ADK: variants seen among roughly 807,000 people sequenced by gnomAD.
ADK encodes the protein N6,N6-dimethyladenosine kinase.
A neutral mutation model predicts 44.7 loss-of-function variants in ADK; 24 were observed. The ratio of observed to expected loss-of-function variants is 0.54; its 90% confidence interval spans 0.39 to 0.76. The LOEUF is 0.76. Ranked by LOEUF, ADK falls within the 30% of genes least tolerant of loss-of-function variation. The pLI is 0.00. For synonymous variants in ADK, 128 were observed against 142.6 expected (o/e 0.90, Z 0.73); for missense variants, 321 against 425.1 (o/e 0.76, Z 2.15).
chr10:74,538,430 A>G (rs1028407680), intron 7 of ADK, among the ~76,000 whole-genome samples: 2 of 152,208 alleles, frequency 1.3e-5, no homozygotes, highest in African/African-American at 2.4e-5. Context: ...CTTTCTTTAC[A>G]TATTGATTTA....
intron 7 of ADK, among the ~76,000 whole-genome samples, chr10:74,532,888 C>G (rs1378959932): frequency 1.4e-5 from 2 of 140,298 alleles, no homozygotes; most frequent in East Asian, 2.0e-4. Context: ...CCACTGCACT[C>G]CAGTCTGGGC....
intron 7 of ADK, among the ~76,000 whole-genome samples, chr10:74,570,697 A>G (rs1270349108): frequency 1.3e-5 from 2 of 152,172 alleles, no homozygotes; most frequent in Admixed American, 6.5e-5. Flanking sequence ...GGCTGAGACG[A>G]TGGGGTTTTC....
chr10:74,533,401 A>G (rs1287932684), intron 7 of ADK, among the ~76,000 whole-genome samples: 2 of 152,244 alleles, frequency 1.3e-5, no homozygotes, highest in South Asian at 2.1e-4. Flanking sequence ...ACAAAGCTAC[A>G]GTAATCCAGA....
At chr10:74,419,030 G>C (rs1844467416) in intron 6 of ADK, among the ~76,000 whole-genome samples, 1 of 152,122 alleles carries the variant, frequency 6.6e-6, no homozygotes, top group Non-Finnish European at 1.5e-5. Flanking sequence ...CCCTTTTATA[G>C]TTTAATGTTT....
chr10:74,611,673 T>A (rs891306479), intron 9 of ADK, among the ~76,000 whole-genome samples: 2 of 151,946 alleles, frequency 1.3e-5, no homozygotes, highest in Admixed American at 1.3e-4. Context: ...TCCCCCTTTA[T>A]GTCCATGTAT....
intron 7 of ADK, among the ~76,000 whole-genome samples, chr10:74,547,271 A>G (rs989779492): frequency 6.6e-6 from 1 of 151,918 alleles, no homozygotes; most frequent in Non-Finnish European, 1.5e-5. Flanking sequence ...ATCATGGATC[A>G]TGCATTGCCT....
chr10:74,549,105 TA>T (rs1364857059), intron 7 of ADK, among the ~76,000 whole-genome samples: 1 of 152,226 alleles, frequency 6.6e-6, no homozygotes, highest in Admixed American at 6.5e-5. Flanking sequence ...TAATAGTCAA[TA>T]AATTTCAATT....
At chr10:74,567,988 C>G (rs377456135) in intron 7 of ADK, among the ~76,000 whole-genome samples, 4 of 152,086 alleles carry the variant, frequency 2.6e-5, no homozygotes, top group Non-Finnish European at 5.9e-5. Context: ...CCTGAGCCAC[C>G]GCGCCAGGCC....
intron 6 of ADK, chr10:74,423,623 C>T: frequency 2.7e-6 from 1 of 366,322 alleles, no homozygotes; most frequent in Non-Finnish European, 5.4e-6. Flanking sequence ...TCTGCATAGT[C>T]CTGTGCTTCG....
chr10:74,398,359 G>T, intron 5 of ADK, 112 bp from the exon 6 acceptor site: 3 of 562,808 alleles, frequency 5.3e-6, no homozygotes, highest in Non-Finnish European at 3.1e-6. Context: ...TAGTTTTGAA[G>T]AATTAATTAA....
chr10:74,220,836 T>C lies in ADK; in HGVS notation c.141-3702T>C, dbSNP rs1184568718. 9.2e-5 allele frequency among the ~76,000 whole-genome samples: 14 copies of C among 152,190 alleles called. No individual in the cohort carries two copies. The East Asian group carries it at 1.7e-3, about 19-fold the overall frequency. On this transcript the variant is annotated intron_variant, in intron 2 of 10. Coordinates refer to ENST00000539909, the MANE Select transcript of ADK (RefSeq NM_006721.4). ...ATTTAACAACCCTTCATGCTAAAAA[T>C]TCTCAATAAATTAGGTATTGATGGG...
intron 1 of ADK, among the ~76,000 whole-genome samples, chr10:74,171,816 G>C (rs918613768): frequency 2.7e-4 from 31 of 114,452 alleles, no homozygotes; most frequent in African/African-American, 8.3e-4. Context: ...CTCTCTGTGT[G>C]TGTGTGTGTG....
At chr10:74,217,972 C>A (rs921345065) in intron 2 of ADK, among the ~76,000 whole-genome samples, 6 of 152,194 alleles carry the variant, frequency 3.9e-5, no homozygotes, top group Admixed American at 3.3e-4. Flanking sequence ...CACCTCTCCT[C>A]CTCCAAAGGA....
intron 6 of ADK, among the ~76,000 whole-genome samples, chr10:74,512,742 T>C (rs1848390874): frequency 6.6e-6 from 1 of 151,846 alleles, no homozygotes; most frequent in South Asian, 2.1e-4. Context: ...CTTTTGTATT[T>C]TTTTTGTCTT....
intron 3 of ADK, among the ~76,000 whole-genome samples, chr10:74,256,778 G>A (rs1449789908): frequency 2.6e-5 from 4 of 152,102 alleles, no homozygotes; most frequent in African/African-American, 9.7e-5. Context: ...CTGATATTTT[G>A]CAGTTCTTAC....
intron 10 of ADK, among the ~76,000 whole-genome samples, chr10:74,682,153 G>A (rs1429771717): frequency 6.6e-6 from 1 of 152,120 alleles, no homozygotes; most frequent in Non-Finnish European, 1.5e-5. Context: ...TAGGGTGAAA[G>A]GGCATCTTAT....
intron 4 of ADK, among the ~76,000 whole-genome samples, chr10:74,348,520 G>A (rs1023142584): frequency 1.3e-5 from 2 of 151,996 alleles, no homozygotes; most frequent in African/African-American, 4.8e-5. Context: ...AAACCAGAAT[G>A]CCTCTTTGCC....
intron 6 of ADK, among the ~76,000 whole-genome samples, chr10:74,505,227 C>T (rs1848021877): frequency 6.6e-6 from 1 of 152,126 alleles, no homozygotes; most frequent in Non-Finnish European, 1.5e-5. Context: ...CTATATGGCA[C>T]CTATCCTTCC....
chr10:74,563,923 AG>A (rs1850551371), intron 7 of ADK, among the ~76,000 whole-genome samples: 1 of 151,996 alleles, frequency 6.6e-6, no homozygotes, highest in African/African-American at 2.4e-5. Context: ...TTTAAGTTTT[AG>A]GGTACATGTG....
Sources: allele counts gnomAD v4.1 joint callset (sites outside exome capture counted in the v4.1 genomes callset), GRCh38; gene constraint gnomAD v4.1.1; transcripts MANE v1.5; gene names NCBI Gene and HGNC (gene_info 2026-07-23, HGNC 2026-07-21).